The following PCMT1 variants were observed in gnomAD, a reference collection of about 807,000 sequenced individuals.
PCMT1 encodes the protein protein-L-isoaspartate (D-aspartate) O-methyltransferase.
Under a neutral mutation model 29.2 loss-of-function variants are expected in PCMT1, and 9 were observed. That is an observed-to-expected ratio of 0.31 (90% confidence interval 0.19 to 0.54). The LOEUF (loss-of-function observed/expected upper bound fraction) is 0.54. Ranked by LOEUF, PCMT1 falls within the 20% of genes least tolerant of loss-of-function variation. The pLI, the probability that PCMT1 is intolerant of heterozygous loss-of-function variation, is 0.95. For synonymous variants in PCMT1, 98 were observed against 97.5 expected, an observed-to-expected ratio of 1.00 and a Z score of -0.03; for missense variants, 184 against 282.2, an observed-to-expected ratio of 0.65 and a Z score of 2.49.
chr6:149,771,210 C>T lies in PCMT1; in HGVS notation c.104C>T (p.Thr35Ile). The part of the protein sequence containing the change: ...TDKVFEVMLA[T>I]DRSHYAKCNP... ...AAAGTATTTGAAGTGATGCTGGCTA[C>T]AGACCGCTCCCACTATGCAAAATGT... The change falls in exon 2 of 8, where the codon ACA becomes ATA. Residue 35 changes from threonine to isoleucine, a missense_variant. Coordinates refer to ENST00000464889, the MANE Select transcript of PCMT1 (RefSeq NM_001360452.2). 6.2e-7 allele frequency: 1 copy of T among 1,613,156 alleles called. No individual in the cohort carries two copies. The highest frequency in any genetic ancestry group is 8.5e-7 in the Non-Finnish European group (1 of 1,179,252).
At chr6:149,773,040 T>G in intron 2 of PCMT1, 98 bp from the exon 3 acceptor site, 1 of 923,396 alleles carries the variant, frequency 1.1e-6, no homozygotes, top group Admixed American at 2.4e-5. Flanking sequence ...AAAAAAGAAT[T>G]ATTGTGAAAA....
At chr6:149,770,971 C>T (rs1043716395) in intron 1 of PCMT1, among the ~76,000 whole-genome samples, 191 bp from the exon 2 acceptor site, 4 of 152,054 alleles carry the variant, frequency 2.6e-5, no homozygotes, top group African/African-American at 2.4e-5. Flanking sequence ...TGCACTCCAG[C>T]CTGGGCGACA....
chr6:149,774,799 T>C (rs1264850329), intron 3 of PCMT1, among the ~76,000 whole-genome samples: 1 of 149,502 alleles, frequency 6.7e-6, no homozygotes, highest in Non-Finnish European at 1.5e-5. Context: ...CTCCGCCTCC[T>C]GGGTTCACGC....
intron 7 of PCMT1, among the ~76,000 whole-genome samples, chr6:149,806,481 A>G (rs1286641537): frequency 6.6e-6 from 1 of 152,236 alleles, no homozygotes; most frequent in Non-Finnish European, 1.5e-5. Flanking sequence ...TACATCTAAA[A>G]TACTGTCACT....
chr6:149,776,124 C>G (rs1325125805), intron 3 of PCMT1, among the ~76,000 whole-genome samples: 1 of 151,810 alleles, frequency 6.6e-6, no homozygotes, highest in Non-Finnish European at 1.5e-5. Flanking sequence ...GCACCATTGC[C>G]CTCCAGCCTG....
chr6:149,805,467 AC>A (rs1277869113), intron 7 of PCMT1, among the ~76,000 whole-genome samples: 4 of 151,524 alleles, frequency 2.6e-5, no homozygotes, highest in Non-Finnish European at 5.9e-5. Context: ...GGTGGCAGGT[AC>A]CTCTAGTCCC....
intron 1 of PCMT1, among the ~76,000 whole-genome samples, chr6:149,752,949 G>C (rs1786380816): frequency 6.6e-6 from 1 of 151,892 alleles, no homozygotes; most frequent in African/African-American, 2.4e-5. Flanking sequence ...AATTTAATAA[G>C]GAATATTTAA....
intron 7 of PCMT1, among the ~76,000 whole-genome samples, chr6:149,806,948 T>C (rs1372456736): frequency 6.6e-6 from 1 of 152,214 alleles, no homozygotes; most frequent in East Asian, 1.9e-4. Flanking sequence ...TTCTCTTGTG[T>C]CTCACCAGCT....
chr6:149,754,336 G>A (rs573048406), intron 1 of PCMT1, among the ~76,000 whole-genome samples: 3 of 152,258 alleles, frequency 2.0e-5, no homozygotes, highest in African/African-American at 7.2e-5. Context: ...TAATGTGCTC[G>A]TGAAACAAAT....
intron 5 of PCMT1, among the ~76,000 whole-genome samples, chr6:149,795,920 C>G (rs907381264): frequency 6.6e-6 from 1 of 152,156 alleles, no homozygotes; most frequent in South Asian, 2.1e-4. Context: ...AGTGCCGTTT[C>G]ATGCTTTAGA....
At chr6:149,787,938 C>T (rs1185342839) in intron 3 of PCMT1, among the ~76,000 whole-genome samples, 1 of 151,802 alleles carries the variant, frequency 6.6e-6, no homozygotes, top group African/African-American at 2.4e-5. Context: ...GAGATGGAGT[C>T]TTGCTCTGTC....
At chr6:149,761,425 T>G (rs992109655) in intron 1 of PCMT1, among the ~76,000 whole-genome samples, 1 of 152,180 alleles carries the variant, frequency 6.6e-6, no homozygotes, top group East Asian at 1.9e-4. Flanking sequence ...ATTCCCAGAC[T>G]CATTGCTTAG....
In PCMT1 at chr6:149,764,679, A is replaced by G. The variant is rs553589552; in HGVS notation, c.56-6483A>G. Reference sequence around the variant, plus strand: ...CACTGGAACTCAGGAGTCTGAGGTTATAATAAACTATGATGGTGCCACTGC... The same window carrying G: ...CACTGGAACTCAGGAGTCTGAGGTTGTAATAAACTATGATGGTGCCACTGC... On this transcript the variant is annotated intron_variant, in intron 1 of 7. Coordinates refer to ENST00000464889, the MANE Select transcript of PCMT1 (RefSeq NM_001360452.2). Among the ~76,000 whole-genome samples, 4 of 152,234 alleles carry G rather than the reference A, an allele frequency of 2.6e-5. No individual in the cohort carries two copies. The East Asian group carries it at 5.8e-4, about 22-fold the overall frequency.
At chr6:149,803,597 T>G (rs985978639) in intron 7 of PCMT1, among the ~76,000 whole-genome samples, 2 of 152,122 alleles carry the variant, frequency 1.3e-5, no homozygotes, top group African/African-American at 4.8e-5. Context: ...TACTTGAAAT[T>G]AAATGCCAAA....
intron 7 of PCMT1, 39 bp downstream of exon 7, chr6:149,802,455 G>A (rs1775867234): frequency 4.2e-6 from 6 of 1,440,678 alleles, no homozygotes; most frequent in Non-Finnish European, 5.5e-6. Context: ...GACTACAAGA[G>A]CTGTTTTTGG....
intron 1 of PCMT1, among the ~76,000 whole-genome samples, chr6:149,750,611 C>T (rs1344220810): frequency 6.6e-6 from 1 of 152,156 alleles, no homozygotes; most frequent in Non-Finnish European, 1.5e-5. Context: ...TCCTGAGAGA[C>T]TTGTATTTCA....
rs1257701149 is a variant in PCMT1, at chr6:149,762,828, A to C, written c.56-8334A>C. Among the ~76,000 whole-genome samples, 26 of 53,828 alleles carry C rather than the reference A, an allele frequency of 4.8e-4. 5 individuals are homozygous for C. The highest frequency in any genetic ancestry group is 1.8e-3 in the South Asian group (3 of 1,694). 35.3% of individuals were successfully genotyped at this position (53,828 alleles called of 152,430 possible). ...ATATATCTATGATAATCTATGATAT[A>C]TATGATATATATATCTATGATATAT... On this transcript the variant is annotated intron_variant, in intron 1 of 7. Coordinates refer to ENST00000464889, the MANE Select transcript of PCMT1 (RefSeq NM_001360452.2).
chr6:149,797,828 T>C (rs1362343222), intron 6 of PCMT1: 1 of 152,154 alleles, frequency 6.6e-6, no homozygotes, highest in African/African-American at 2.4e-5. Context: ...TGCTGCTTAT[T>C]GGCCAAGTGA....
In PCMT1 at chr6:149,790,105, T is replaced by C. The variant is rs757676537; in HGVS notation, c.297+47T>C. ...CTGGCCCCAACAGAAGAATATTATA[T>C]GATTTGGCTGTATGTTTTTTTAACT... On this transcript the variant is annotated intron_variant, in intron 4 of 7. Transcript: ENST00000464889. 4 of 1,114,868 alleles carry C rather than the reference T, an allele frequency of 3.6e-6. No individual in the cohort carries two copies. In the African/African-American group the frequency reaches 6.3e-5, roughly 18 times the overall value. The allele number at this position is 1,114,868 out of a possible 1,614,324, so 69.1% of individuals were successfully genotyped here. A position where few individuals can be genotyped will look rare whatever the true frequency, so the allele number is the denominator to read the frequency against.
Sources: gnomAD v4.1 joint callset for allele counts (sites outside exome capture counted in the v4.1 genomes callset) on GRCh38, gnomAD v4.1.1 for gene constraint, MANE v1.5 for transcripts, NCBI Gene and HGNC (gene_info 2026-07-23, HGNC 2026-07-21) for gene names.